Variants in GRID2 observed in about 807,000 individuals in gnomAD.
GRID2 encodes the protein glutamate ionotropic receptor delta type subunit 2, also known as glutamate receptor ionotropic, delta-2.
GRID2 carries 33 observed loss-of-function variants against 114.8 expected under a neutral mutation model. The observed-to-expected ratio is 0.29, with a 90% CI of 0.22 to 0.38. The LOEUF (loss-of-function observed/expected upper bound fraction) is 0.38, where lower values mean the gene tolerates loss of function less well. Among genes scored for constraint, GRID2 ranks in the 10% least tolerant of loss-of-function variants. GRID2 has a pLI of 1.00. For missense variants in GRID2, 1,184 were observed against 1,257.7 expected, an observed-to-expected ratio of 0.94 and a Z score of 0.89; for synonymous variants, 505 against 449.9, an observed-to-expected ratio of 1.12 and a Z score of -1.55.
chr4:93,632,992 G>A (rs950358299), intron 14 of GRID2, among the ~76,000 whole-genome samples: 11 of 152,098 alleles, frequency 7.2e-5, no homozygotes, highest in African/African-American at 2.4e-4. Context: ...GTGAATGGGA[G>A]TTCACTCATG....
At chr4:92,601,055 G>A (rs1447219629) in intron 2 of GRID2, among the ~76,000 whole-genome samples, 1 of 151,784 alleles carries the variant, frequency 6.6e-6, no homozygotes, top group African/African-American at 2.4e-5. Flanking sequence ...AGAGACCAGA[G>A]CTCTGTCCCT....
At chr4:93,068,379 G>A (rs990478423) in intron 2 of GRID2, among the ~76,000 whole-genome samples, 10 of 151,958 alleles carry the variant, frequency 6.6e-5, no homozygotes, top group Non-Finnish European at 1.5e-4. Flanking sequence ...GGGGTGAAAG[G>A]AGATTAAAAA....
chr4:92,932,401 A>C (rs1176531285), intron 2 of GRID2, among the ~76,000 whole-genome samples: 1 of 151,264 alleles, frequency 6.6e-6, no homozygotes, highest in African/African-American at 2.4e-5. Flanking sequence ...ACACACATTA[A>C]CAATACCAAA....
chr4:93,073,509 G>A (rs770664296), intron 2 of GRID2, among the ~76,000 whole-genome samples: 6 of 152,090 alleles, frequency 3.9e-5, no homozygotes, highest in East Asian at 1.9e-4. Context: ...GCTATTGATC[G>A]TTAAGTTTTG....
intron 1 of GRID2, among the ~76,000 whole-genome samples, chr4:92,452,224 T>C (rs1720962334): frequency 6.6e-6 from 1 of 152,186 alleles, no homozygotes; most frequent in Admixed American, 6.5e-5. Flanking sequence ...AAATGTTCTT[T>C]ATAGTATATA....
intron 2 of GRID2, among the ~76,000 whole-genome samples, chr4:93,069,452 T>C (rs1449458215): frequency 1.3e-5 from 2 of 151,968 alleles, no homozygotes; most frequent in East Asian, 1.9e-4. Flanking sequence ...ATAGATTTCA[T>C]CATACTGCTA....
chr4:93,122,512 T>A (rs1265085141), intron 4 of GRID2, among the ~76,000 whole-genome samples: 1 of 152,096 alleles, frequency 6.6e-6, no homozygotes, highest in Admixed American at 6.5e-5. Flanking sequence ...ACTGGTGAAT[T>A]AATTGAAATA....
At chr4:93,774,940 T>C (rs767277728), downstream of GRID2, among the ~76,000 whole-genome samples, 1 of 152,100 alleles carries the variant, frequency 6.6e-6, no homozygotes, top group Non-Finnish European at 1.5e-5. Flanking sequence ...TTAAGGGTAA[T>C]TATTAAACTT....
At chr4:93,349,238 C>T (rs1760549498) in intron 8 of GRID2, among the ~76,000 whole-genome samples, 1 of 152,060 alleles carries the variant, frequency 6.6e-6, no homozygotes, top group African/African-American at 2.4e-5. Flanking sequence ...TTATCTCACA[C>T]AGGAGAAATG....
intron 14 of GRID2, among the ~76,000 whole-genome samples, chr4:93,655,769 G>A (rs557997927): frequency 2.6e-5 from 4 of 151,938 alleles, no homozygotes; most frequent in Admixed American, 2.6e-4. Flanking sequence ...TCATTGTCTT[G>A]GAACTTCTTA....
Position 92,950,524 on chromosome 4 carries a change from C to G in GRID2, c.245-134471C>G, listed in dbSNP as rs138003909. Reference sequence around the variant, plus strand: ...TATTAGCTTATATCCCTTTACTCCCCTGATGCTTCATTCATTTCAGAATTA... The same window carrying G: ...TATTAGCTTATATCCCTTTACTCCCGTGATGCTTCATTCATTTCAGAATTA... On this transcript the variant is annotated intron_variant, in intron 2 of 15. Coordinates refer to ENST00000282020, the MANE Select transcript of GRID2 (RefSeq NM_001510.4). Among the ~76,000 whole-genome samples, 398 of 152,238 alleles carry G rather than the reference C, an allele frequency of 2.6e-3. 5 individuals carry two copies. Among genetic ancestry groups the G allele is most frequent in the African/African-American group, 9.3e-3 (386 of 41,546 alleles).
chr4:93,269,429 G>A (rs979461619), intron 8 of GRID2, among the ~76,000 whole-genome samples: 2 of 152,202 alleles, frequency 1.3e-5, no homozygotes, highest in African/African-American at 4.8e-5. Flanking sequence ...TCCAGCCTGT[G>A]TAGACCAACA....
rs144358244 is a variant in GRID2, at chr4:92,777,209, T to C, written c.244+186923T>C. On this transcript the variant is annotated intron_variant, in intron 2 of 15. Transcript: ENST00000282020. ...CTCTGTGGTTCTAAGCATGTATAAG[T>C]AGGTTTCTCAGTATTGTGCTGAATT... 2.7e-4 allele frequency among the ~76,000 whole-genome samples: 41 copies of C among 152,086 alleles called. 1 individual carries two copies. The East Asian group carries it at 7.4e-3, about 27-fold the overall frequency.
At chr4:93,700,359 C>T (rs1293957289) in intron 14 of GRID2, among the ~76,000 whole-genome samples, 1 of 152,114 alleles carries the variant, frequency 6.6e-6, no homozygotes, top group East Asian at 1.9e-4. Context: ...ATCTCTTGGG[C>T]AGCTTCAGTC....
At chr4:93,481,521 C>A (rs1580204830) in intron 11 of GRID2, among the ~76,000 whole-genome samples, 1 of 152,000 alleles carries the variant, frequency 6.6e-6, no homozygotes, top group Admixed American at 6.6e-5. Context: ...GCATTCATGG[C>A]CTTAAGTTTC....
At chr4:93,063,520 A>G (rs535523472) in intron 2 of GRID2, among the ~76,000 whole-genome samples, 2 of 152,032 alleles carry the variant, frequency 1.3e-5, no homozygotes, top group East Asian at 3.9e-4. Context: ...ACTCAAATGT[A>G]TAGAGTAAAA....
intron 2 of GRID2, among the ~76,000 whole-genome samples, chr4:92,853,373 G>A (rs115513837): frequency 0.021 from 3,255 of 151,952 alleles, 58 homozygotes; most frequent in Non-Finnish European, 0.032. Context: ...ATTAATGAGA[G>A]GTATTTCCTT....
intron 2 of GRID2, among the ~76,000 whole-genome samples, chr4:92,983,233 G>A (rs966374071): frequency 7.2e-5 from 11 of 152,080 alleles, no homozygotes; most frequent in Middle Eastern, 3.4e-3. Flanking sequence ...TATTTCCTAC[G>A]TTTGCTCTTG....
intron 8 of GRID2, among the ~76,000 whole-genome samples, chr4:93,363,243 T>C (rs1451218160): frequency 6.6e-6 from 1 of 152,050 alleles, no homozygotes; most frequent in Non-Finnish European, 1.5e-5. Context: ...ATTTCTTACC[T>C]ACTTTCATCA....
Sources: allele counts gnomAD v4.1 joint callset (sites outside exome capture counted in the v4.1 genomes callset), GRCh38; gene constraint gnomAD v4.1.1; transcripts MANE v1.5; gene names NCBI Gene and HGNC (gene_info 2026-07-23, HGNC 2026-07-21).